The following NTNG1 variants were observed in gnomAD, a reference collection of about 807,000 sequenced individuals.
The protein encoded by NTNG1 is netrin-G1.
Under a neutral mutation model 54.0 loss-of-function variants are expected in NTNG1, and 16 were observed. The observed-to-expected ratio is 0.30, with a 90% CI of 0.20 to 0.45. The LOEUF (loss-of-function observed/expected upper bound fraction) is 0.45, where lower values mean the gene tolerates loss of function less well. Among genes scored for constraint, NTNG1 ranks in the 20% least tolerant of loss-of-function variants. The pLI, the probability that NTNG1 is intolerant of heterozygous loss-of-function variation, is 1.00. For synonymous variants in NTNG1, 255 were observed against 263.1 expected (o/e 0.97, Z 0.30); for missense variants, 530 against 678.7 (o/e 0.78, Z 2.43).
intron 5 of NTNG1, 92 bp downstream of exon 5, chr1:107,407,800 C>G (rs950429530): frequency 1.9e-5 from 21 of 1,110,898 alleles, no homozygotes; most frequent in African/African-American, 3.1e-5. Context: ...TTCCCAGTGT[C>G]CATTTCTGAT....
At chr1:107,362,112 C>G (rs1670338043) in intron 3 of NTNG1, among the ~76,000 whole-genome samples, 1 of 152,256 alleles carries the variant, frequency 6.6e-6, no homozygotes, top group Non-Finnish European at 1.5e-5. Context: ...CAAAGAGCAC[C>G]CATCCCTGAA....
intron 2 of NTNG1, among the ~76,000 whole-genome samples, chr1:107,274,689 T>C (rs1445728095): frequency 1.3e-5 from 2 of 152,206 alleles, no homozygotes; most frequent in Admixed American, 6.5e-5. Flanking sequence ...CTCTGGGCAA[T>C]GAGCAGGAAA....
chr1:107,200,314 G>A (rs1658646617), intron 2 of NTNG1, among the ~76,000 whole-genome samples: 1 of 151,910 alleles, frequency 6.6e-6, no homozygotes, highest in South Asian at 2.1e-4. Flanking sequence ...CATGTTTCTT[G>A]TTATATAACA....
At chr1:107,434,897 A>G (rs754320348) in intron 6 of NTNG1, among the ~76,000 whole-genome samples, 15 of 152,200 alleles carry the variant, frequency 9.9e-5, no homozygotes, top group Admixed American at 4.6e-4. Context: ...CATAAGGTGA[A>G]GGGAAGGCCA....
intron 5 of NTNG1, chr1:107,418,478 A>G: frequency 1.5e-6 from 1 of 678,816 alleles, no homozygotes; most frequent in Non-Finnish European, 2.4e-6. Context: ...CAAGTTAAAG[A>G]GCAGATGTGT....
intron 3 of NTNG1, among the ~76,000 whole-genome samples, chr1:107,371,752 G>T (rs1221141945): frequency 6.6e-6 from 1 of 152,018 alleles, no homozygotes; most frequent in African/African-American, 2.4e-5. Flanking sequence ...CTAAATCATT[G>T]TCTGATGCAA....
intron 2 of NTNG1, among the ~76,000 whole-genome samples, chr1:107,205,213 A>G (rs114416788): frequency 1.4e-3 from 217 of 152,292 alleles, no homozygotes; most frequent in African/African-American, 4.7e-3. Context: ...AAATGTTTCT[A>G]TGAGTCTATG....
rs1306395770 is a variant in NTNG1 at position 107,148,654 on chromosome 1, C to A, written c.61C>A (p.Gln21Lys). 1 of 1,612,770 alleles carries A rather than the reference C, an allele frequency of 6.2e-7. No individual in the cohort carries two copies. The highest frequency in any genetic ancestry group is 1.7e-5 in the Admixed American group (1 of 59,972). ...TTGGGTTACGGTGTCCTCAGTGATGCAGCCCTACCCTTTGGTTTGGGGACA... is the reference window on the plus strand; with the variant it reads ...TTGGGTTACGGTGTCCTCAGTGATGAAGCCCTACCCTTTGGTTTGGGGACA... ...ALWVTVSSVM[Q>K]PYPLVWGHYD... is the part of the protein sequence containing the mutation. The change falls in exon 2 of 8, where the codon CAG (glutamine) becomes AAG (lysine). Residue 21 changes from glutamine (Q) to lysine (K), a missense_variant. By Grantham distance (53) the Gln-to-Lys change is moderately conservative. This residue lies in a region of NTNG1 where 318 missense variants were observed against 465.1 expected (regional missense o/e 0.68). Transcript: ENST00000370068.
At chr1:107,157,660 T>G (rs1295539080) in intron 2 of NTNG1, among the ~76,000 whole-genome samples, 2 of 152,204 alleles carry the variant, frequency 1.3e-5, no homozygotes, top group Non-Finnish European at 2.9e-5. Flanking sequence ...GCATTTCATT[T>G]TTTTTAAAGA....
chr1:107,387,028 T>G (rs1263346195), intron 3 of NTNG1, among the ~76,000 whole-genome samples: 1 of 152,248 alleles, frequency 6.6e-6, no homozygotes. Context: ...CGTGTGCTTA[T>G]TGGCTATTTG....
At chr1:107,437,921 G>T (rs12240240) in intron 7 of NTNG1, among the ~76,000 whole-genome samples, 3,403 of 152,068 alleles carry the variant, frequency 0.022, 134 homozygotes, top group African/African-American at 0.078. Context: ...AGTTATTTTT[G>T]CTTGCTTTTC....
chr1:107,153,392 T>A (rs1384716678), intron 2 of NTNG1, among the ~76,000 whole-genome samples: 1 of 152,196 alleles, frequency 6.6e-6, no homozygotes, highest in Admixed American at 6.5e-5. Context: ...AATCAAATAA[T>A]CTTAAAAATA....
chr1:107,364,909 T>A (rs959571395), intron 3 of NTNG1, among the ~76,000 whole-genome samples: 1 of 152,318 alleles, frequency 6.6e-6, no homozygotes, highest in South Asian at 2.1e-4. Context: ...TCATTCATTA[T>A]GTAAAAAAGT....
chr1:107,172,382 G>A (rs1329943538), intron 2 of NTNG1, among the ~76,000 whole-genome samples: 3 of 152,092 alleles, frequency 2.0e-5, no homozygotes, highest in Non-Finnish European at 4.4e-5. Context: ...ACTTTTATAT[G>A]TGTTCATTCA....
intron 2 of NTNG1, among the ~76,000 whole-genome samples, chr1:107,313,665 A>C (rs971803798): frequency 6.6e-6 from 1 of 152,164 alleles, no homozygotes; most frequent in Admixed American, 6.5e-5. Flanking sequence ...CAAAGTGAGG[A>C]GGAGTAGATG....
At chr1:107,286,503 A>G (rs1003772703) in intron 2 of NTNG1, among the ~76,000 whole-genome samples, 2 of 152,196 alleles carry the variant, frequency 1.3e-5, no homozygotes, top group African/African-American at 2.4e-5. Flanking sequence ...GGAGGATTGC[A>G]TGCTTACCAT....
At chr1:107,470,305 C>T (rs184149252) in intron 7 of NTNG1, among the ~76,000 whole-genome samples, 12 of 152,036 alleles carry the variant, frequency 7.9e-5, no homozygotes, top group Admixed American at 2.0e-4. Flanking sequence ...CTAAAAAAAA[C>T]CCAGCAATTT....
At chr1:107,315,190 A>T (rs1032650320) in intron 2 of NTNG1, among the ~76,000 whole-genome samples, 1 of 152,160 alleles carries the variant, frequency 6.6e-6, no homozygotes, top group Non-Finnish European at 1.5e-5. Flanking sequence ...TTAAGGAGGT[A>T]TATAAAGCTC....
chr1:107,242,216 T>G (rs1294804157), intron 2 of NTNG1, among the ~76,000 whole-genome samples: 1 of 151,980 alleles, frequency 6.6e-6, no homozygotes, highest in East Asian at 1.9e-4. Context: ...TGGGGAGGCT[T>G]GAGGTGAGAG....
Sources: allele counts gnomAD v4.1 joint callset (sites outside exome capture counted in the v4.1 genomes callset), GRCh38; gene constraint gnomAD v4.1.1; regional missense constraint gnomAD v4.1.1; transcripts MANE v1.5; gene names NCBI Gene and HGNC (gene_info 2026-07-23, HGNC 2026-07-21).